The following LRBA variants were observed in gnomAD, a reference collection of about 807,000 sequenced individuals.
LRBA encodes LPS responsive beige-like anchor protein.
In LRBA, 176 loss-of-function variants were observed where a neutral mutation model predicts 330.0. The ratio of observed to expected loss-of-function variants is 0.53; its 90% CI spans 0.47 to 0.60. The LOEUF (loss-of-function observed/expected upper bound fraction) is 0.60, where lower values mean the gene tolerates loss of function less well. LRBA is among the 20% of genes least tolerant of loss of function. The probability of loss-of-function intolerance (pLI) is 0.00; values close to 1 mark genes in which losing one functional copy is unlikely to be tolerated. For synonymous variants in LRBA, 1,230 were observed against 1,193.0 expected (o/e 1.03, Z -0.64); for missense variants, 3,259 against 3,444.8 (o/e 0.95, Z 1.35).
intron 22 of LRBA, among the ~76,000 whole-genome samples, chr4:150,854,877 T>A (rs1213601657): frequency 6.6e-6 from 1 of 152,156 alleles, no homozygotes; most frequent in Non-Finnish European, 1.5e-5. Context: ...TTGTAGAACA[T>A]TATAGACTGT....
intron 2 of LRBA, among the ~76,000 whole-genome samples, chr4:150,939,150 C>T (rs950503547): frequency 2.1e-4 from 32 of 152,240 alleles, no homozygotes; most frequent in African/African-American, 7.2e-4. Flanking sequence ...TGACACTTTG[C>T]CAGATGCCCC....
intron 2 of LRBA, 53 bp downstream of exon 2, chr4:151,014,374 G>T (rs775317816): frequency 8.2e-6 from 12 of 1,454,872 alleles, no homozygotes; most frequent in Non-Finnish European, 1.1e-5. Context: ...TTAAGATCTT[G>T]TTCCCCAACC....
intron 37 of LRBA, among the ~76,000 whole-genome samples, chr4:150,619,503 T>G (rs1776098950): frequency 6.6e-6 from 1 of 152,208 alleles, no homozygotes; most frequent in African/African-American, 2.4e-5. Flanking sequence ...TAAGATGTTT[T>G]TTAAGTTTAG....
chr4:150,293,724 T>G (rs1560974287), intron 53 of LRBA, among the ~76,000 whole-genome samples: 1 of 152,230 alleles, frequency 6.6e-6, no homozygotes, highest in Non-Finnish European at 1.5e-5. Context: ...GGTTGACCCT[T>G]GAACAACATA....
At chr4:150,470,409 C>G (rs905767) in intron 43 of LRBA, among the ~76,000 whole-genome samples, 1 of 151,908 alleles carries the variant, frequency 6.6e-6, no homozygotes, top group African/African-American at 2.4e-5. Context: ...CTTTCCTTCT[C>G]TCTTCTCATA....
At chr4:150,869,067 C>T (rs1189135629) in intron 20 of LRBA, among the ~76,000 whole-genome samples, 2 of 152,040 alleles carry the variant, frequency 1.3e-5, no homozygotes, top group South Asian at 2.1e-4. Context: ...ATTATAGGCA[C>T]CTGCCACCAC....
intron 36 of LRBA, among the ~76,000 whole-genome samples, chr4:150,699,494 A>G (rs1247860461): frequency 2.0e-5 from 3 of 152,218 alleles, no homozygotes; most frequent in Admixed American, 6.5e-5. Flanking sequence ...ATACAACTCT[A>G]TCCAGCAATA....
At chr4:150,681,165 G>A (rs1783024828) in intron 37 of LRBA, among the ~76,000 whole-genome samples, 1 of 152,160 alleles carries the variant, frequency 6.6e-6, no homozygotes, top group Non-Finnish European at 1.5e-5. Flanking sequence ...ATAGTTAAAT[G>A]CATTACAGCT....
chr4:150,505,053 C>T (rs1760861360), intron 40 of LRBA, among the ~76,000 whole-genome samples: 1 of 152,196 alleles, frequency 6.6e-6, no homozygotes, highest in Non-Finnish European at 1.5e-5. Context: ...GCAACCAATA[C>T]AGGAGCACCT....
rs139813980 is a variant in LRBA, at chr4:150,583,486, G to A, written c.6330+4562C>T. 4.9e-4 allele frequency: 790 copies of A among 1,613,918 alleles called. 3 individuals carry two copies. The highest frequency in any genetic ancestry group is 6.4e-4 in the Non-Finnish European group (760 of 1,180,030). ...CTATCGGGATGTGGTCAAGATGATC[G>A]CGGACACCAGCGAGGTCAAGTTGCG... On this transcript the variant is annotated intron_variant, in intron 40 of 56. Transcript: ENST00000651943. This position sits in a 1 kb window ranked among gnomAD's most constrained non-coding sequence, Gnocchi z 9.8.
intron 41 of LRBA, among the ~76,000 whole-genome samples, chr4:150,489,263 A>AATATATAATATATTATATATTC (rs1561250364): frequency 1.4e-5 from 1 of 71,644 alleles, no homozygotes; most frequent in African/African-American, 6.1e-5. Flanking sequence ...ATTATATATA[A>AATATATAATATATTATATATTC]GAATATATAA....
intron 56 of LRBA, among the ~76,000 whole-genome samples, chr4:150,267,254 G>A (rs574622290): frequency 9.2e-5 from 14 of 152,228 alleles, no homozygotes; most frequent in South Asian, 6.2e-4. Flanking sequence ...TTTGCAGTGC[G>A]CATGGAATAG....
At chr4:150,546,042 T>C (rs1197532617) in intron 40 of LRBA, among the ~76,000 whole-genome samples, 1 of 152,188 alleles carries the variant, frequency 6.6e-6, no homozygotes, top group Non-Finnish European at 1.5e-5. Context: ...GAAACTACTG[T>C]AGTTAAAGCT....
At chr4:150,685,403 TATATATATATA>T (rs2126924438) in intron 36 of LRBA, among the ~76,000 whole-genome samples, 1 of 15,728 alleles carries the variant, frequency 6.4e-5, no homozygotes, top group African/African-American at 2.2e-4. Flanking sequence ...TATATATATA[TATATATATATA>T]TATATATTTT....
chr4:150,925,358 A>G, intron 4 of LRBA, among the ~76,000 whole-genome samples: 1 of 152,192 alleles, frequency 6.6e-6, no homozygotes, highest in East Asian at 1.9e-4. Flanking sequence ...TGCCATCAAA[A>G]ATAATGCTTC....
At chr4:150,558,381 A>G (rs1233147349) in intron 40 of LRBA, among the ~76,000 whole-genome samples, 1 of 152,084 alleles carries the variant, frequency 6.6e-6, no homozygotes, top group Non-Finnish European at 1.5e-5. Flanking sequence ...ATGGACTCCT[A>G]TTTACTTCAT....
intron 40 of LRBA, among the ~76,000 whole-genome samples, chr4:150,496,543 G>C (rs1016825807): frequency 2.6e-5 from 4 of 151,650 alleles, no homozygotes; most frequent in African/African-American, 9.7e-5. Flanking sequence ...TCCTCCTGAA[G>C]GGTAAATATT....
rs747851922 is a variant in LRBA at position 150,471,631 on chromosome 4, C to T, written c.6660G>A (p.Thr2220=). 5.1e-6 allele frequency: 8 copies of T among 1,558,762 alleles called. No homozygotes were observed. In the South Asian group the frequency reaches 5.8e-5, roughly 11 times the overall value. ...TACATGGAATTAGGTTACCTGCTAT[C>T]GTGTTGAGAAACATCAAGTACTCAA... The part of the protein sequence containing the change: ...SNFEYLMFLN[T]IAGRSYNDLN... The change falls in exon 43 of 57, where the codon ACG becomes ACA. Residue 2220 remains threonine, a synonymous_variant. Transcript: ENST00000651943.
rs1297351467 is a variant in LRBA at position 150,489,195 on chromosome 4, A to G, written c.6449-1361T>C. ...TATATAAGTATATAATATATTATAT[A>G]TAAGTATATATTATATATACGAATA... On this transcript the variant is annotated intron_variant, in intron 41 of 56. Coordinates refer to ENST00000651943, the MANE Select transcript of LRBA (RefSeq NM_001364905.1). Among the ~76,000 whole-genome samples the G allele has an allele frequency of 4.6e-5, 5 of 109,374 alleles. No homozygotes were observed. In the South Asian group the frequency reaches 7.6e-4, roughly 17 times the overall value. 71.8% of individuals were successfully genotyped at this position (109,374 alleles called of 152,430 possible).
Sources: allele counts gnomAD v4.1 joint callset (sites outside exome capture counted in the v4.1 genomes callset), GRCh38; gene constraint gnomAD v4.1.1; non-coding constraint Gnocchi (gnomAD v3.1); transcripts MANE v1.5; gene names NCBI Gene and HGNC (gene_info 2026-07-23, HGNC 2026-07-21).